FGGY: variants seen among roughly 807,000 people sequenced by gnomAD.
The protein encoded by FGGY is FGGY carbohydrate kinase domain-containing protein.
A neutral mutation model predicts 71.3 loss-of-function variants in FGGY; 72 were observed. The observed-to-expected ratio is 1.01, with a 90% CI of 0.84 to 1.23. FGGY has a LOEUF of 1.23. Among genes scored for constraint, FGGY ranks in the 50% most tolerant of loss-of-function variants. The pLI, the probability that FGGY is intolerant of heterozygous loss-of-function variation, is 0.00. For missense variants in FGGY, 668 were observed against 682.3 expected (o/e 0.98, Z 0.23); for synonymous variants, 251 against 250.3 (o/e 1.00, Z -0.02).
chr1:59,538,325 A>T (rs1227695801), intron 7 of FGGY, among the ~76,000 whole-genome samples: 2 of 150,886 alleles, frequency 1.3e-5, no homozygotes, highest in Admixed American at 6.6e-5. Context: ...AATGGCAATC[A>T]TTAAAAAGTC....
chr1:59,745,082 A>G (rs1487493590), intron 14 of FGGY, among the ~76,000 whole-genome samples: 3 of 152,120 alleles, frequency 2.0e-5, no homozygotes, highest in South Asian at 2.1e-4. Flanking sequence ...CTTTGGTACC[A>G]TCCTTAGCCT....
chr1:59,547,281 TG>T (rs2095541332), intron 7 of FGGY, among the ~76,000 whole-genome samples: 1 of 152,162 alleles, frequency 6.6e-6, no homozygotes, highest in African/African-American at 2.4e-5. Flanking sequence ...CCCCTTCATT[TG>T]CTAGGCTTGA....
chr1:59,503,392 AC>A (rs2094286587), intron 6 of FGGY, among the ~76,000 whole-genome samples: 1 of 151,748 alleles, frequency 6.6e-6, no homozygotes, highest in Admixed American at 6.6e-5. Flanking sequence ...CTGAACACTG[AC>A]CTACAATAGT....
intron 10 of FGGY, among the ~76,000 whole-genome samples, chr1:59,633,926 G>A (rs887832313): frequency 3.9e-5 from 6 of 152,162 alleles, no homozygotes; most frequent in Non-Finnish European, 7.3e-5. Context: ...AGCCAAAGAG[G>A]AGGGAGGAAA....
intron 2 of FGGY, among the ~76,000 whole-genome samples, chr1:59,338,152 G>C (rs925255242): frequency 6.6e-6 from 1 of 152,086 alleles, no homozygotes; most frequent in Non-Finnish European, 1.5e-5. Flanking sequence ...TTAATTTATG[G>C]ATATTAAACC....
At chr1:59,337,940 T>C (rs192564378) in intron 2 of FGGY, among the ~76,000 whole-genome samples, 2 of 152,310 alleles carry the variant, frequency 1.3e-5, no homozygotes, top group East Asian at 3.9e-4. Context: ...TCATTTCTGA[T>C]GGGGGAAAGC....
At chr1:59,613,031 C>G (rs951770921) in intron 9 of FGGY, among the ~76,000 whole-genome samples, 2 of 152,292 alleles carry the variant, frequency 1.3e-5, no homozygotes, top group South Asian at 2.1e-4. Flanking sequence ...GACTTAGACT[C>G]CCACACAATA....
intron 5 of FGGY, among the ~76,000 whole-genome samples, chr1:59,427,616 T>C (rs1212351429): frequency 2.0e-5 from 3 of 152,174 alleles, no homozygotes; most frequent in Admixed American, 6.5e-5. Flanking sequence ...AGATGCTTTA[T>C]TTTTCCCCTT....
In FGGY at chr1:59,487,159, G is replaced by A. The variant is rs138017957; in HGVS notation, c.671-25152G>A. On this transcript the variant is annotated intron_variant, in intron 6 of 15. Transcript: ENST00000303721. The stretch of plus-strand genomic sequence containing the variant: ...ACACTAAAAGAAAATAGAAACCGAA[G>A]CCAACCCAGGGAAGAGCTGATTTAC... 2.2e-3 allele frequency among the ~76,000 whole-genome samples: 336 copies of A among 152,266 alleles called. 1 individual carries two copies. Among genetic ancestry groups the A allele is most frequent in the African/African-American group, 7.8e-3 (324 of 41,560 alleles).
chr1:59,566,715 A>C (rs1468154819), intron 8 of FGGY, among the ~76,000 whole-genome samples: 1 of 152,190 alleles, frequency 6.6e-6, no homozygotes, highest in Non-Finnish European at 1.5e-5. Flanking sequence ...CGAAGTCTTA[A>C]ATCCTAAATG....
At chr1:59,528,407 C>T (rs1558231383) in intron 7 of FGGY, among the ~76,000 whole-genome samples, 1 of 152,160 alleles carries the variant, frequency 6.6e-6, no homozygotes, top group African/African-American at 2.4e-5. Flanking sequence ...TGTGGTTGAA[C>T]AGAGAGAACC....
intron 7 of FGGY, among the ~76,000 whole-genome samples, chr1:59,531,268 T>G (rs780714359): frequency 3.3e-5 from 5 of 152,234 alleles, no homozygotes; most frequent in Non-Finnish European, 7.3e-5. Flanking sequence ...ATGCTTTTTC[T>G]TCTAATATAT....
At chr1:59,314,261 G>A (rs1476463125) in intron 1 of FGGY, among the ~76,000 whole-genome samples, 2 of 152,120 alleles carry the variant, frequency 1.3e-5, no homozygotes, top group Non-Finnish European at 2.9e-5. Flanking sequence ...CACCGCACCT[G>A]GCCTAATAAA....
In FGGY at chr1:59,319,939, T is replaced by C. The variant is rs544195077; in HGVS notation, c.-14-1597T>C. 9.2e-5 allele frequency among the ~76,000 whole-genome samples: 14 copies of C among 152,280 alleles called. No individual in the cohort carries two copies. The South Asian group carries it at 2.3e-3, about 25-fold the overall frequency. ...TCAGAGCAGCTCTGTTTTTATCTGTTTTGTTTTCTTCAAATAATGGCTTGA... is the reference window on the plus strand; with the variant it reads ...TCAGAGCAGCTCTGTTTTTATCTGTCTTGTTTTCTTCAAATAATGGCTTGA... On this transcript the variant is annotated intron_variant, in intron 1 of 15. Transcript: ENST00000303721.
At chr1:59,687,888 T>G (rs913033795) in intron 14 of FGGY, among the ~76,000 whole-genome samples, 1 of 152,150 alleles carries the variant, frequency 6.6e-6, no homozygotes, top group Admixed American at 6.5e-5. Context: ...TATCATTGCT[T>G]TTAACTACTA....
chr1:59,419,096 C>T (rs1278635374), intron 5 of FGGY, among the ~76,000 whole-genome samples: 1 of 152,108 alleles, frequency 6.6e-6, no homozygotes, highest in Non-Finnish European at 1.5e-5. Flanking sequence ...TATAAAGGGT[C>T]CGCAATGCAT....
intron 6 of FGGY, among the ~76,000 whole-genome samples, chr1:59,477,801 T>C (rs1281535818): frequency 6.6e-6 from 1 of 152,134 alleles, no homozygotes. Context: ...CCCCCATTCA[T>C]TTATCTTTAA....
chr1:59,401,692 G>T (rs2061986399), intron 5 of FGGY, among the ~76,000 whole-genome samples: 1 of 152,204 alleles, frequency 6.6e-6, no homozygotes, highest in South Asian at 2.1e-4. Context: ...CTATAGTCTT[G>T]TAAGCCACTC....
At position 59,378,753 on chromosome 1, in the gene FGGY, T is replaced by A; in HGVS notation, c.470T>A (p.Leu157Ter). The change falls in exon 5 of 16, where the codon TTG becomes TAG. Residue 157 changes from leucine to a stop codon, truncating the protein, a stop_gained. Transcript: ENST00000303721. LOFTEE classifies it high-confidence loss of function. ...AATATATATTTAATTTGGCAGAACT[T>A]GAGAGAGATTTGCTGGGATAAGGCG... The part of the protein sequence containing the change: ...APKLLWLKEN[L>*]REICWDKAGH... 6.2e-7 allele frequency: 1 copy of A among 1,612,410 alleles called. No individual in the cohort carries two copies. Among genetic ancestry groups the A allele is most frequent in the African/African-American group, 1.3e-5 (1 of 74,954 alleles).
Sources: allele counts gnomAD v4.1 joint callset (sites outside exome capture counted in the v4.1 genomes callset), GRCh38; gene constraint gnomAD v4.1.1; transcripts MANE v1.5; gene names NCBI Gene and HGNC (gene_info 2026-07-23, HGNC 2026-07-21).